The following BRD10 variants were observed in gnomAD, a reference collection of about 807,000 sequenced individuals.
The protein encoded by BRD10 is bromodomain containing 10, also known as uncharacterized bromodomain-containing protein 10.
the BRD10 span, among the ~76,000 whole-genome samples, chr9:5,937,187 C>G: frequency 6.7e-6 from 1 of 149,886 alleles, no homozygotes; most frequent in Non-Finnish European, 1.5e-5. Flanking sequence ...CGAGATCATG[C>G]CACTACACTC....
the BRD10 span, among the ~76,000 whole-genome samples, chr9:5,882,606 A>G: frequency 9.4e-4 from 143 of 152,176 alleles, no homozygotes; most frequent in Non-Finnish European, 1.8e-3. Flanking sequence ...CCAGTCTCAC[A>G]CTGAAGTCAC....
chr9:6,003,634 A>T, the BRD10 span, among the ~76,000 whole-genome samples: 1 of 152,276 alleles, frequency 6.6e-6, no homozygotes, highest in Non-Finnish European at 1.5e-5. Flanking sequence ...AAAATATGTT[A>T]CCGCCTTTGA....
the BRD10 span, chr9:6,007,876 C>T: frequency 7.3e-7 from 1 of 1,372,010 alleles, no homozygotes; most frequent in Admixed American, 3.7e-5. Flanking sequence ...CACGGCTCGG[C>T]CGCGGCGCGT....
At chr9:5,886,326 AGCAGGTACAAATCCTAACCCTGGG>A in the BRD10 span, among the ~76,000 whole-genome samples, 104 of 152,344 alleles carry the variant, frequency 6.8e-4, no homozygotes, top group South Asian at 0.017. Context: ...AGCAAGGTCT[AGCAGGTACAAATCCTAACCCTGGG>A]GCTGGTGTGG....
the BRD10 span, among the ~76,000 whole-genome samples, chr9:5,954,768 G>C: frequency 5.9e-5 from 9 of 152,142 alleles, no homozygotes; most frequent in East Asian, 1.7e-3. Context: ...TGTATTTAAC[G>C]TGACAAAAAA....
the BRD10 span, chr9:5,910,801 A>G: frequency 6.6e-6 from 1 of 152,222 alleles, no homozygotes; most frequent in Non-Finnish European, 1.5e-5. Flanking sequence ...AGAGGCACCC[A>G]CACCTCTGAA....
At chr9:5,933,593 T>C in the BRD10 span, among the ~76,000 whole-genome samples, 1 of 152,328 alleles carries the variant, frequency 6.6e-6, no homozygotes, top group African/African-American at 2.4e-5. Context: ...ATTAAGTCCT[T>C]CATTATATCA....
chr9:5,994,176 T>C, the BRD10 span, among the ~76,000 whole-genome samples: 1 of 152,176 alleles, frequency 6.6e-6, no homozygotes, highest in Non-Finnish European at 1.5e-5. Context: ...ATCAATAATG[T>C]TAAAAAATTT....
chr9:6,001,672 C>T, the BRD10 span, among the ~76,000 whole-genome samples: 2 of 152,214 alleles, frequency 1.3e-5, no homozygotes, highest in African/African-American at 2.4e-5. Flanking sequence ...ATGAACTACA[C>T]ATCTTCACCT....
chr9:5,914,422 T>G, the BRD10 span, among the ~76,000 whole-genome samples: 1 of 115,142 alleles, frequency 8.7e-6, no homozygotes, highest in Non-Finnish European at 1.8e-5. Context: ...TTTTTTTTTT[T>G]TTTTTTTTTT....
chr9:5,922,363 G>A, the BRD10 span: 1 of 1,613,936 alleles, frequency 6.2e-7, no homozygotes, highest in Non-Finnish European at 8.5e-7. Flanking sequence ...CTGCATTCTT[G>A]GCTTTTCCTG....
At chr9:5,924,828 T>A in the BRD10 span, 1 of 1,506,996 alleles carries the variant, frequency 6.6e-7, no homozygotes, top group Non-Finnish European at 8.9e-7. Context: ...ATCATCATAG[T>A]CTTTCTTCAG....
the BRD10 span, chr9:5,923,378 A>G: frequency 8.3e-7 from 1 of 1,202,658 alleles, no homozygotes; most frequent in East Asian, 2.4e-5. Context: ...CATCAACTGT[A>G]AAAAAGAAAG....
At chr9:5,968,283 C>T in the BRD10 span, 1 of 1,612,044 alleles carries the variant, frequency 6.2e-7, no homozygotes, top group South Asian at 1.1e-5. Context: ...TCTGGATGAT[C>T]ACTGTGACTT....
chr9:5,906,941 AG>A, the BRD10 span: 2 of 1,598,208 alleles, frequency 1.3e-6, no homozygotes, highest in Non-Finnish European at 8.5e-7. Flanking sequence ...GCCCACAAGA[AG>A]GGTTTGATCA....
At chr9:5,917,320 G>A in the BRD10 span, among the ~76,000 whole-genome samples, 438 of 152,288 alleles carry the variant, frequency 2.9e-3, 2 homozygotes, top group African/African-American at 9.9e-3. Flanking sequence ...GGTCAAAGAA[G>A]ACATCTGGGA....
the BRD10 span, among the ~76,000 whole-genome samples, chr9:5,998,395 T>G: frequency 6.6e-6 from 1 of 152,146 alleles, no homozygotes; most frequent in Non-Finnish European, 1.5e-5. Flanking sequence ...TTCCATAATA[T>G]GTATACACAT....
At chr9:5,997,510 G>A in the BRD10 span, among the ~76,000 whole-genome samples, 1 of 151,662 alleles carries the variant, frequency 6.6e-6, no homozygotes, top group East Asian at 1.9e-4. Context: ...CAGTAATAAA[G>A]TTTAATATCA....
the BRD10 span, among the ~76,000 whole-genome samples, chr9:5,989,017 G>T: frequency 6.6e-6 from 1 of 151,958 alleles, no homozygotes; most frequent in Admixed American, 6.6e-5. Context: ...AATCATCTGA[G>T]GTCAGGAGTT....
Sources: allele counts gnomAD v4.1 joint callset (sites outside exome capture counted in the v4.1 genomes callset), GRCh38; gene constraint gnomAD v4.1.1; transcripts MANE v1.5; gene names NCBI Gene and HGNC (gene_info 2026-07-23, HGNC 2026-07-21).